XIRP1: variants seen among roughly 807,000 people sequenced by gnomAD.
The protein encoded by XIRP1 is xin actin binding repeat containing 1, also known as xin actin-binding repeat-containing protein 1.
For synonymous variants in XIRP1, 984 were observed against 947.0 expected, an observed-to-expected ratio of 1.04 and a Z score of -0.72; for missense variants, 2,378 against 2,345.4, an observed-to-expected ratio of 1.01 and a Z score of -0.29.
intron 1 of XIRP1, among the ~76,000 whole-genome samples, chr3:39,192,082 G>A (rs372683811): frequency 2.1e-4 from 32 of 152,190 alleles, no homozygotes; most frequent in African/African-American, 7.2e-4. Flanking sequence ...CCTTCCTCCA[G>A]ATCCTGGGCC....
chr3:39,185,632 C>T lies in XIRP1; in HGVS notation c.3814G>A (p.Gly1272Arg). 6.2e-7 allele frequency: 1 copy of T among 1,613,106 alleles called. No homozygotes were observed. Among genetic ancestry groups the T allele is most frequent in the Non-Finnish European group, 8.5e-7 (1 of 1,179,554 alleles). The change falls in exon 2 of 2, where the codon GGA (glycine) becomes AGA (arginine). Residue 1272 changes from glycine (G) to arginine (R), a missense_variant. Physicochemically the swap from Gly to Arg is moderately radical, Grantham distance 125. Transcript: ENST00000340369. ...AAVTGPDFPA[G>R]AHRAEDSIQQ... ...ATGGAGTCCTCAGCACGGTGGGCTC[C>T]AGCTGGAAAGTCAGGTCCTGTCACA...
rs1161792722 is a variant in XIRP1 at position 39,186,538 on chromosome 3, T to C, written c.2908A>G (p.Ile970Val). Residue 970 changes from isoleucine to valine, a missense_variant, in exon 2 of 2, where the codon ATC becomes GTC. By Grantham distance (29) the Ile-to-Val change is conservative (BLOSUM62 3). Coordinates refer to ENST00000340369, the MANE Select transcript of XIRP1 (RefSeq NM_194293.4). ...GGGTCCAGTGGGGGAACATGGATGA[T>C]GCTCTCAGTTGGGTGCAGGCTCTGG... The part of the protein sequence containing the change: ...GAQSLHPTES[I>V]IHVPPLDPSM... The C allele has an allele frequency of 2.5e-6, 4 of 1,612,748 alleles. No homozygotes were observed. Among genetic ancestry groups the C allele is most frequent in the Non-Finnish European group, 3.4e-6 (4 of 1,179,238 alleles).
In XIRP1 at chr3:39,184,070, C is replaced by T. The variant is rs765185282; in HGVS notation, c.5376G>A (p.Gln1792=). The part of the protein sequence containing the change: ...VLMSSTTVTE[Q]AEPPRNPGSH... ...AGCCTGGGTTCCTGGGTGGCTCTGC[C>T]TGCTCGGTGACTGTGGTGGAAGACA... Residue 1792 remains glutamine (Q), a synonymous_variant, in exon 2 of 2, where the codon CAG becomes CAA. Coordinates refer to ENST00000340369, the MANE Select transcript of XIRP1 (RefSeq NM_194293.4). The T allele has an allele frequency of 1.2e-6, 2 of 1,609,702 alleles. No individual in the cohort carries two copies. The highest frequency in any genetic ancestry group is 1.7e-5 in the Admixed American group (1 of 59,810).
At chr3:39,191,241 T>C (rs1472259641) in intron 1 of XIRP1, among the ~76,000 whole-genome samples, 2 of 152,164 alleles carry the variant, frequency 1.3e-5, no homozygotes, top group African/African-American at 2.4e-5. Context: ...CTTTCATTTC[T>C]GAGCTCCAAT....
intron 1 of XIRP1, 78 bp from the exon 2 acceptor site, chr3:39,189,603 C>T: frequency 5.2e-6 from 6 of 1,144,442 alleles, no homozygotes; most frequent in Non-Finnish European, 6.0e-6. Flanking sequence ...CCTTCCCTCT[C>T]TCTATGTGCC....
Position 39,185,591 on chromosome 3 carries a change from C to T in XIRP1, c.3855G>A (p.Glu1285=). 1.2e-6 allele frequency: 2 copies of T among 1,600,376 alleles called. No individual in the cohort carries two copies. The highest frequency in any genetic ancestry group is 1.7e-6 in the Non-Finnish European group (2 of 1,172,328). Residue 1285 remains glutamate, a synonymous_variant, in exon 2 of 2, where the codon GAG becomes GAA. Coordinates refer to ENST00000340369, the MANE Select transcript of XIRP1 (RefSeq NM_194293.4). ...AGTGAAGAAGGGGGTCCTTCAGGGGCTCAGAGGCTTGCTGGATGGAGTCCT... is the reference window on the plus strand; with the variant it reads ...AGTGAAGAAGGGGGTCCTTCAGGGGTTCAGAGGCTTGCTGGATGGAGTCCT... ...RAEDSIQQAS[E]PLKDPLLHSH... is the part of the protein sequence containing the mutation.
chr3:39,188,533 T>A lies in XIRP1; in HGVS notation c.913A>T (p.Ser305Cys). Residue 305 changes from serine to cysteine, a missense_variant, in exon 2 of 2, where the codon AGT (serine) becomes TGT (cysteine). Coordinates refer to ENST00000340369, the MANE Select transcript of XIRP1 (RefSeq NM_194293.4). ...SLEEGARPDVSATRWIFETQP... is the reference protein window; with the variant it reads ...SLEEGARPDVCATRWIFETQP... The stretch of plus-strand genomic sequence containing the variant: ...GTCTCAAAGATCCAGCGAGTTGCAC[T>A]GACGTCGGGCCGGGCCCCCTCCTCC... 1 of 1,610,312 alleles carries A rather than the reference T, an allele frequency of 6.2e-7. No homozygotes were observed. Among genetic ancestry groups the A allele is most frequent in the Non-Finnish European group, 8.5e-7 (1 of 1,176,934 alleles).
chr3:39,186,522 G>T lies in XIRP1; in HGVS notation c.2924C>A (p.Pro975Gln). 1 of 1,612,902 alleles carries T rather than the reference G, an allele frequency of 6.2e-7. No homozygotes were observed. The highest frequency in any genetic ancestry group is 1.3e-5 in the African/African-American group (1 of 74,990). Residue 975 changes from proline (P) to glutamine (Q), a missense_variant, in exon 2 of 2, where the codon CCA becomes CAA. Transcript: ENST00000340369. Reference protein sequence around the residue: ...HPTESIIHVPPLDPSMGMGHL... With the variant: ...HPTESIIHVPQLDPSMGMGHL... The stretch of plus-strand genomic sequence containing the variant: ...CCCCATCCCCATGCTGGGGTCCAGT[G>T]GGGGAACATGGATGATGCTCTCAGT...
chr3:39,191,779 A>G (rs544102142), intron 1 of XIRP1, among the ~76,000 whole-genome samples: 116 of 152,276 alleles, frequency 7.6e-4, no homozygotes, highest in African/African-American at 2.0e-3. Flanking sequence ...AGCTGGCTCC[A>G]TATGTCTTTA....
chr3:39,190,622 C>G (rs960844492), intron 1 of XIRP1, among the ~76,000 whole-genome samples: 1 of 152,080 alleles, frequency 6.6e-6, no homozygotes. Flanking sequence ...ATGGCCACCC[C>G]AGCTCAGCCT....
chr3:39,190,954 G>GCA (rs2040078621), intron 1 of XIRP1, among the ~76,000 whole-genome samples: 1 of 152,168 alleles, frequency 6.6e-6, no homozygotes, highest in Non-Finnish European at 1.5e-5. Context: ...CCCCTATCCT[G>GCA]CCTCCTGGGC....
rs1334477940 is a variant in XIRP1 at position 39,185,629 on chromosome 3, C to T, written c.3817G>A (p.Ala1273Thr). ...TGGATGGAGTCCTCAGCACGGTGGGCTCCAGCTGGAAAGTCAGGTCCTGTC... is the reference window on the plus strand; with the variant it reads ...TGGATGGAGTCCTCAGCACGGTGGGTTCCAGCTGGAAAGTCAGGTCCTGTC... ...AVTGPDFPAG[A>T]HRAEDSIQQA... The change falls in exon 2 of 2, where the codon GCC (alanine) becomes ACC (threonine). Residue 1273 changes from alanine to threonine, a missense_variant. By Grantham distance (58) the Ala-to-Thr change is moderately conservative (BLOSUM62 0). Coordinates refer to ENST00000340369, the MANE Select transcript of XIRP1 (RefSeq NM_194293.4). 2 of 1,612,992 alleles carry T rather than the reference C, an allele frequency of 1.2e-6. No individual in the cohort carries two copies. Among genetic ancestry groups the T allele is most frequent in the Admixed American group, 1.7e-5 (1 of 59,890 alleles).
chr3:39,191,774 G>C (rs1407366962), intron 1 of XIRP1, among the ~76,000 whole-genome samples: 1 of 152,184 alleles, frequency 6.6e-6, no homozygotes, highest in East Asian at 1.9e-4. Context: ...GGCCCAGCTG[G>C]CTCCATATGT....
In XIRP1 at chr3:39,187,491, G is replaced by C. The variant is rs386352380; in HGVS notation, c.1955C>G (p.Pro652Arg). 6.2e-7 allele frequency: 1 copy of C among 1,613,972 alleles called. No individual in the cohort carries two copies. The change falls in exon 2 of 2, where the codon CCG becomes CGG. Residue 652 changes from proline (P) to arginine (R), a missense_variant. Physicochemically the swap from Pro to Arg is moderately radical, Grantham distance 103. Coordinates refer to ENST00000340369, the MANE Select transcript of XIRP1 (RefSeq NM_194293.4). ...REQHLQVSQVPAGERQTDRHV... is the reference protein window; with the variant it reads ...REQHLQVSQVRAGERQTDRHV... ...TCTGTCTGTCTGTCTTTCCCCAGCCGGGACCTGGCTAACCTGCAGGTGCTG... is the reference window on the plus strand; with the variant it reads ...TCTGTCTGTCTGTCTTTCCCCAGCCCGGACCTGGCTAACCTGCAGGTGCTG...
Position 39,189,428 on chromosome 3 carries a change from T to C in XIRP1, c.18A>G (p.Thr6=), listed in dbSNP as rs764020047. The change falls in exon 2 of 2, where the codon ACA becomes ACG. Residue 6 remains threonine, a synonymous_variant. Coordinates refer to ENST00000340369, the MANE Select transcript of XIRP1 (RefSeq NM_194293.4). MADTQ[T]QVAPTPTMRM... is the part of the protein sequence containing the mutation. ...TCATGGTTGGTGTGGGGGCCACCTG[T>C]GTCTGGGTGTCGGCCATCCTTCTGA... is the stretch of plus-strand genomic sequence containing the variant. 1 of 1,592,714 alleles carries C rather than the reference T, an allele frequency of 6.3e-7. No individual in the cohort carries two copies. The highest frequency in any genetic ancestry group is 8.6e-7 in the Non-Finnish European group (1 of 1,168,994).
At position 39,183,810 on chromosome 3, in the gene XIRP1, T is replaced by C; in HGVS notation, c.*104A>G. The C allele has an allele frequency of 6.9e-7, 1 of 1,438,950 alleles. No homozygotes were observed. Among genetic ancestry groups the C allele is most frequent in the Middle Eastern group, 2.6e-4 (1 of 3,896 alleles). 89.1% of individuals were successfully genotyped at this position (1,438,950 alleles called of 1,614,324 possible). Reference sequence around the variant, plus strand: ...ACAGTAATCCTCTGAAGATGCCATTTCCTCTTGGTCCTTGCTCCAGTGTAC... The same window carrying C: ...ACAGTAATCCTCTGAAGATGCCATTCCCTCTTGGTCCTTGCTCCAGTGTAC... On this transcript the variant is annotated 3_prime_UTR_variant, in exon 2 of 2. Transcript: ENST00000340369.
At chr3:39,191,568 C>A (rs892213623) in intron 1 of XIRP1, among the ~76,000 whole-genome samples, 1 of 152,232 alleles carries the variant, frequency 6.6e-6, no homozygotes, top group Non-Finnish European at 1.5e-5. Flanking sequence ...AGCATGTCTC[C>A]TGACTCCTGG....
In XIRP1 at chr3:39,187,333, C is replaced by A; in HGVS notation, c.2113G>T (p.Ala705Ser). ...GGCTCCTGTTCTTCCTTCTTGCCTGCCTCCAGGGCCTGAAAAACCTCTTTC... is the reference window on the plus strand; with the variant it reads ...GGCTCCTGTTCTTCCTTCTTGCCTGACTCCAGGGCCTGAAAAACCTCTTTC... ...RQKEVFQALE[A>S]GKKEEQEPRV... Residue 705 changes from alanine to serine, a missense_variant, in exon 2 of 2, where the codon GCA becomes TCA. Physicochemically the swap from Ala to Ser is moderately conservative, Grantham distance 99. Transcript: ENST00000340369. The A allele has an allele frequency of 6.2e-7, 1 of 1,601,124 alleles. No homozygotes were observed. Among genetic ancestry groups the A allele is most frequent in the Non-Finnish European group, 8.5e-7 (1 of 1,172,660 alleles).
At chr3:39,190,401 A>T (rs74451475) in intron 1 of XIRP1, among the ~76,000 whole-genome samples, 1 of 152,052 alleles carries the variant, frequency 6.6e-6, no homozygotes, top group Admixed American at 6.5e-5. Flanking sequence ...AAGCTTTCTT[A>T]TTGGCCATAG....
Sources: gnomAD v4.1 joint callset for allele counts (sites outside exome capture counted in the v4.1 genomes callset) on GRCh38, gnomAD v4.1.1 for gene constraint, MANE v1.5 for transcripts, NCBI Gene and HGNC (gene_info 2026-07-23, HGNC 2026-07-21) for gene names.